Variants in PRPF8 observed in about 807,000 individuals in gnomAD.
PRPF8 encodes the protein pre-mRNA-processing-splicing factor 8.
PRPF8 carries 64 observed loss-of-function variants against 285.9 expected under a neutral mutation model. The ratio of observed to expected loss-of-function variants is 0.22; its 90% CI spans 0.18 to 0.28. The LOEUF (loss-of-function observed/expected upper bound fraction) is 0.28. Ranked by LOEUF, PRPF8 falls within the 10% of genes least tolerant of loss-of-function variation. The pLI is 1.00. For synonymous variants in PRPF8, 1,325 were observed against 1,118.2 expected (o/e 1.18, Z -3.69); for missense variants, 1,426 against 3,026.7 (o/e 0.47, Z 12.41).
In PRPF8 at chr17:1,658,501, C is replaced by A. The variant is rs757370293; in HGVS notation, c.5376+25G>T. 138 of 1,611,064 alleles carry A rather than the reference C, an allele frequency of 8.6e-5. No homozygotes were observed. The highest frequency in any genetic ancestry group is 1.2e-4 in the Non-Finnish European group (136 of 1,177,324). On this transcript the variant is annotated intron_variant, in intron 33 of 42. Coordinates refer to ENST00000304992, the MANE Select transcript of PRPF8 (RefSeq NM_006445.4). The surrounding 1 kb of genome is among the most constrained non-coding windows in gnomAD (Gnocchi z 4.1). ...CCACAGCCATGTACAGAGTCCCGCA[C>A]CTATACACTGCTGCTAACACTCACC... is the stretch of plus-strand genomic sequence containing the variant.
intron 24 of PRPF8, among the ~76,000 whole-genome samples, chr17:1,666,249 GAAGA>G (rs1911979273): frequency 6.6e-6 from 1 of 151,514 alleles, no homozygotes; most frequent in South Asian, 2.1e-4. Context: ...AATGATAAGA[GAAGA>G]AATCAATGCA....
Position 1,676,571 on chromosome 17 carries a change from C to T in PRPF8, c.2322G>A (p.Lys774=). 6.2e-7 allele frequency: 1 copy of T among 1,614,174 alleles called. No homozygotes were observed. Among genetic ancestry groups the T allele is most frequent in the Non-Finnish European group, 8.5e-7 (1 of 1,180,038 alleles). Residue 774 remains lysine, a synonymous_variant, in exon 16 of 43, where the codon AAG becomes AAA. Transcript: ENST00000304992. This position sits in a 1 kb window ranked among gnomAD's most constrained non-coding sequence, Gnocchi z 6.3. The part of the protein sequence containing the change: ...GATVDKTVCK[K]NLGRLTRLYL... ...AGAGCCGGGTGAGGCGGCCCAGATT[C>T]TTTTTACAAACAGTCTTGTCCACAG...
At chr17:1,680,329 A>G (rs1912840465) in intron 8 of PRPF8, among the ~76,000 whole-genome samples, 1 of 152,368 alleles carries the variant, frequency 6.6e-6, no homozygotes, top group East Asian at 1.9e-4. Context: ...TAATAAAAAT[A>G]TTCTCAAATT....
intron 24 of PRPF8, among the ~76,000 whole-genome samples, chr17:1,670,870 C>G (rs1303585983): frequency 1.3e-5 from 2 of 151,984 alleles, no homozygotes; most frequent in African/African-American, 4.8e-5. Context: ...ATCTTTCTCA[C>G]AGCTGCAAGA....
Position 1,681,834 on chromosome 17 carries a change from C to T in PRPF8, c.639G>A (p.Leu213=). 1 of 1,614,050 alleles carries T rather than the reference C, an allele frequency of 6.2e-7. No individual in the cohort carries two copies. The highest frequency in any genetic ancestry group is 8.5e-7 in the Non-Finnish European group (1 of 1,180,016). ...CTATCACTCACTTCCTGCTGTCCCT[C>T]AACGGCTGGTGGTCATAGAACCAGT... The part of the protein sequence containing the change: ...VLDWFYDHQP[L]RDSRKYVNGS... Residue 213 remains leucine (L), a synonymous_variant, in exon 5 of 43, where the codon TTG becomes TTA. Coordinates refer to ENST00000304992, the MANE Select transcript of PRPF8 (RefSeq NM_006445.4).
intron 37 of PRPF8, 107 bp from the exon 38 acceptor site, chr17:1,654,123 C>T: frequency 6.6e-7 from 1 of 1,518,124 alleles, no homozygotes; most frequent in South Asian, 1.1e-5. Flanking sequence ...ATACTCACGC[C>T]CCAGACAATC....
chr17:1,652,758 C>T (rs1911155672), intron 39 of PRPF8: 5 of 146,104 alleles, frequency 3.4e-5, no homozygotes. Context: ...TCATGTTGCC[C>T]AGGCTGGTCT....
chr17:1,682,474 A>C (rs1322831846), intron 3 of PRPF8, among the ~76,000 whole-genome samples, 181 bp from the exon 4 acceptor site: 1 of 152,048 alleles, frequency 6.6e-6, no homozygotes, highest in Non-Finnish European at 1.5e-5. Flanking sequence ...TTCACCTTGC[A>C]CCACTCTTCT....
Position 1,662,130 on chromosome 17 carries a change from A to G in PRPF8, c.3798T>C (p.Ala1266=). Residue 1266 remains alanine, a synonymous_variant, in exon 25 of 43, where the codon GCT becomes GCC. Transcript: ENST00000304992. The part of the protein sequence containing the change: ...FTKIVNKWNT[A]LIGLMTYFRE... ...GAAAGTATGTCATAAGGCCAATGAG[A>G]GCTGTATTCCACTTATTCACAATCT... 1 of 1,614,168 alleles carries G rather than the reference A, an allele frequency of 6.2e-7. No individual in the cohort carries two copies. Among genetic ancestry groups the G allele is most frequent in the South Asian group, 1.1e-5 (1 of 91,072 alleles).
rs761169403 is a variant in PRPF8, at chr17:1,661,896, C to G, written c.4022+10G>C. 2.1e-5 allele frequency: 34 copies of G among 1,614,036 alleles called. No homozygotes were observed. Among genetic ancestry groups the G allele is most frequent in the Non-Finnish European group, 2.8e-5 (33 of 1,180,046 alleles). On this transcript the variant is annotated intron_variant, in intron 25 of 42. Transcript: ENST00000304992. The surrounding 1 kb of genome is among the most constrained non-coding windows in gnomAD (Gnocchi z 7.3). ...AATAGGGTTTAGAAATACGTTGAAC[C>G]AGGCTGTACCTGAGGTCGGATTGGG...
chr17:1,673,540 C>T lies in PRPF8; in HGVS notation c.3474G>A (p.Lys1158=). 6.2e-7 allele frequency: 1 copy of T among 1,614,154 alleles called. No homozygotes were observed. The highest frequency in any genetic ancestry group is 8.5e-7 in the Non-Finnish European group (1 of 1,180,036). Reference sequence around the variant, plus strand: ...TAGTCACTGACCGTGGCAAGCGGTTCTTGATGTCCCAGAATACCGCCCGGC... The same window carrying T: ...TAGTCACTGACCGTGGCAAGCGGTTTTTGATGTCCCAGAATACCGCCCGGC... ...NLGRAVFWDI[K]NRLPRSVTTV... Residue 1158 remains lysine (K), a synonymous_variant, in exon 23 of 43, where the codon AAG becomes AAA. Coordinates refer to ENST00000304992, the MANE Select transcript of PRPF8 (RefSeq NM_006445.4). The surrounding 1 kb of genome is among the most constrained non-coding windows in gnomAD (Gnocchi z 5.5).
At chr17:1,667,165 T>C (rs1215393886) in intron 24 of PRPF8, among the ~76,000 whole-genome samples, 1 of 140,980 alleles carries the variant, frequency 7.1e-6, no homozygotes, top group African/African-American at 3.1e-5. Flanking sequence ...AGAGCAAGAC[T>C]CCCTCTCAAA....
chr17:1,679,227 G>GT lies in PRPF8; in HGVS notation c.1410-22dup, dbSNP rs751264655. On this transcript the variant is annotated intron_variant, in intron 10 of 42. Coordinates refer to ENST00000304992, the MANE Select transcript of PRPF8 (RefSeq NM_006445.4). This position sits in a 1 kb window ranked among gnomAD's most constrained non-coding sequence, Gnocchi z 4.7. The stretch of plus-strand genomic sequence containing the variant: ...AATACCTGAGGTGGGAACATGGAGA[G>GT]TAAGAGTCAGCCTACTGATATCTCT... The GT allele has an allele frequency of 1.9e-6, 3 of 1,614,230 alleles. No individual in the cohort carries two copies. The highest frequency in any genetic ancestry group is 2.5e-6 in the Non-Finnish European group (3 of 1,180,044).
rs1268106161 is a variant in PRPF8, at chr17:1,679,997, C to T, written c.1099-198G>A. Among the ~76,000 whole-genome samples, 3 of 152,150 alleles carry T rather than the reference C, an allele frequency of 2.0e-5. No individual in the cohort carries two copies. The East Asian group carries it at 5.8e-4, about 29-fold the overall frequency. On this transcript the variant is annotated intron_variant, in intron 8 of 42. Coordinates refer to ENST00000304992, the MANE Select transcript of PRPF8 (RefSeq NM_006445.4). The surrounding 1 kb of genome is among the most constrained non-coding windows in gnomAD (Gnocchi z 4.7). ...AAGACAGGGCCACCAGGAAAGCAAG[C>T]GTCACTTCTCACACCTCAACTGGCT...
intron 3 of PRPF8, chr17:1,682,997 ATTT>A (rs568405779): frequency 3.1e-4 from 49 of 158,612 alleles, no homozygotes; most frequent in South Asian, 1.1e-3. Context: ...CTTATTTTTC[ATTT>A]TTTTTTTTTT....
intron 3 of PRPF8, 144 bp downstream of exon 3, chr17:1,683,389 G>A (rs1308481457): frequency 6.7e-6 from 6 of 898,628 alleles, no homozygotes; most frequent in Non-Finnish European, 1.1e-5. Flanking sequence ...GGAAGATGTA[G>A]AAATTATCAG....
chr17:1,651,556 A>G lies in PRPF8; in HGVS notation c.6511-3T>C, dbSNP rs199665387. ...ATCCAACCTAAGGGTTCCATCTCCT[A>G]TAGGTAAAGAGGAGTACAGAGCTGA... On this transcript the variant is annotated splice_polypyrimidine_tract_variant and splice_region_variant and intron_variant, in intron 40 of 42. Transcript: ENST00000304992. This position sits in a 1 kb window ranked among gnomAD's most constrained non-coding sequence, Gnocchi z 5.1. 134 of 1,614,070 alleles carry G rather than the reference A, an allele frequency of 8.3e-5. 1 individual carries two copies. Among genetic ancestry groups the G allele is most frequent in the Middle Eastern group, 3.3e-4 (2 of 6,062 alleles).
rs752271109 is a variant in PRPF8 at position 1,651,152 on chromosome 17, A to C, written c.6809T>G (p.Phe2270Cys). 12 of 1,614,018 alleles carry C rather than the reference A, an allele frequency of 7.4e-6. No homozygotes were observed. The highest frequency in any genetic ancestry group is 9.3e-6 in the Non-Finnish European group (11 of 1,180,026). ...CGAGGACTGGGCAGGGACCATGAAG[A>C]AGCCAAGGAAACGGTCCGACAGCAG... The part of the protein sequence containing the change: ...QMLLSDRFLG[F>C]FMVPAQSSWN... Residue 2270 changes from phenylalanine to cysteine, a missense_variant, in exon 42 of 43, where the codon TTC becomes TGC. This residue lies in a region of PRPF8 where 160 missense variants were observed against 373.7 expected (regional missense o/e 0.43). Transcript: ENST00000304992. The surrounding 1 kb of genome is among the most constrained non-coding windows in gnomAD (Gnocchi z 5.1).
In PRPF8 at chr17:1,679,516, A is replaced by G. The variant is rs1265740095; in HGVS notation, c.1289+93T>C. On this transcript the variant is annotated intron_variant, in intron 9 of 42. Transcript: ENST00000304992. This position sits in a 1 kb window ranked among gnomAD's most constrained non-coding sequence, Gnocchi z 4.7. ...CCATTTTTATGGGAAAAAAAAAAAA[A>G]GAATTTAAAAAAAAGGCTACATGCC... 1.9e-6 allele frequency: 3 copies of G among 1,567,534 alleles called. No homozygotes were observed. The Admixed American group carries it at 5.5e-5, about 29-fold the overall frequency.
Sources: gnomAD v4.1 joint callset for allele counts (sites outside exome capture counted in the v4.1 genomes callset) on GRCh38, gnomAD v4.1.1 for gene constraint, gnomAD v4.1.1 regional missense constraint, Gnocchi (gnomAD v3.1) non-coding constraint, MANE v1.5 for transcripts, NCBI Gene and HGNC (gene_info 2026-07-23, HGNC 2026-07-21) for gene names.